The following UBE2E1 variants were observed in gnomAD, a reference collection of about 807,000 sequenced individuals.
UBE2E1 encodes the protein ubiquitin-conjugating enzyme E2 E1.
A neutral mutation model predicts 21.4 loss-of-function variants in UBE2E1; 6 were observed. The ratio of observed to expected loss-of-function variants is 0.28; its 90% CI spans 0.15 to 0.55. UBE2E1 has a LOEUF of 0.55. Among genes scored for constraint, UBE2E1 ranks in the 20% least tolerant of loss-of-function variants. UBE2E1 has a pLI of 0.93. For synonymous variants in UBE2E1, 87 were observed against 82.7 expected (o/e 1.05, Z -0.28); for missense variants, 142 against 236.5 (o/e 0.60, Z 2.62).
At chr3:23,858,561 C>T (rs1700487461) in intron 3 of UBE2E1, among the ~76,000 whole-genome samples, 1 of 152,166 alleles carries the variant, frequency 6.6e-6, no homozygotes, top group Non-Finnish European at 1.5e-5. Flanking sequence ...CTCAGATGAT[C>T]CACCCACCTT....
At chr3:23,844,961 A>G (rs981989177) in intron 3 of UBE2E1, among the ~76,000 whole-genome samples, 8 of 152,206 alleles carry the variant, frequency 5.3e-5, no homozygotes, top group Non-Finnish European at 8.8e-5. Flanking sequence ...AATTTATGGC[A>G]GCACCAAACA....
chr3:23,889,717 T>A (rs554708430), intron 5 of UBE2E1: 1 of 985,296 alleles, frequency 1.0e-6, no homozygotes, highest in Non-Finnish European at 1.2e-6. Flanking sequence ...TTAGTGACTA[T>A]TGAATTGTGA....
At chr3:23,846,936 G>T (rs2125304454) in intron 3 of UBE2E1, among the ~76,000 whole-genome samples, 1 of 151,832 alleles carries the variant, frequency 6.6e-6, no homozygotes, top group South Asian at 2.1e-4. Flanking sequence ...AATATTCTAA[G>T]GGCAGGGGCC....
intron 4 of UBE2E1, chr3:23,888,392 G>A (rs1038250885): frequency 5.7e-6 from 2 of 352,324 alleles, no homozygotes; most frequent in East Asian, 8.4e-5. Context: ...AGAAGTAATC[G>A]AAAGTCACTT....
Position 23,887,767 on chromosome 3 carries a change from A to C in UBE2E1, c.336+68A>C. The C allele has an allele frequency of 6.5e-7, 1 of 1,534,234 alleles. No individual in the cohort carries two copies. Among genetic ancestry groups the C allele is most frequent in the African/African-American group, 1.4e-5 (1 of 71,876 alleles). The stretch of plus-strand genomic sequence containing the variant: ...AGAGAGCAACTGTTGAGGTTTTTCT[A>C]AATTTAATTTTTAATCACAGAAACT... On this transcript the variant is annotated intron_variant, in intron 4 of 5. Transcript: ENST00000306627. The surrounding 1 kb of genome is among the most constrained non-coding windows in gnomAD (Gnocchi z 4.4).
At chr3:23,809,535 A>G (rs1699342462) in intron 2 of UBE2E1, among the ~76,000 whole-genome samples, 1 of 152,250 alleles carries the variant, frequency 6.6e-6, no homozygotes, top group African/African-American at 2.4e-5. Flanking sequence ...CTCTCTGGAA[A>G]TAGGTATGAG....
intron 3 of UBE2E1, among the ~76,000 whole-genome samples, chr3:23,861,128 G>T (rs967520528): frequency 3.0e-4 from 46 of 152,294 alleles, no homozygotes; most frequent in Non-Finnish European, 5.0e-4. Context: ...CATCTTATTT[G>T]TATATGTGTT....
intron 3 of UBE2E1, among the ~76,000 whole-genome samples, chr3:23,884,728 G>A (rs1020883195): frequency 6.6e-6 from 1 of 152,058 alleles, no homozygotes; most frequent in African/African-American, 2.4e-5. Context: ...TGAACAGTAC[G>A]ACTCCTGCCT....
At chr3:23,840,822 T>TA (rs1700070365) in intron 3 of UBE2E1, among the ~76,000 whole-genome samples, 1 of 152,226 alleles carries the variant, frequency 6.6e-6, no homozygotes, top group South Asian at 2.1e-4. Context: ...TCTGACCACT[T>TA]AGGTTATTCC....
intron 3 of UBE2E1, among the ~76,000 whole-genome samples, chr3:23,875,614 T>TA (rs891577714): frequency 6.6e-6 from 1 of 152,248 alleles, no homozygotes; most frequent in Non-Finnish European, 1.5e-5. Context: ...GTGTTGTTGT[T>TA]ACAAGACTTT....
intron 3 of UBE2E1, among the ~76,000 whole-genome samples, chr3:23,881,818 T>C (rs1202586715): frequency 6.6e-6 from 1 of 152,188 alleles, no homozygotes; most frequent in Non-Finnish European, 1.5e-5. Context: ...CCTTCTGATG[T>C]TCGGACGTGT....
rs539567827 is a variant in UBE2E1, at chr3:23,874,523, G to A, written c.204-13044G>A. Among the ~76,000 whole-genome samples the A allele has an allele frequency of 1.5e-4, 23 of 152,256 alleles. No homozygotes were observed. In the South Asian group the frequency reaches 4.8e-3, roughly 32 times the overall value. On this transcript the variant is annotated intron_variant, in intron 3 of 5. Coordinates refer to ENST00000306627, the MANE Select transcript of UBE2E1 (RefSeq NM_003341.5). ...TTTTGTGTATGGTAGCATAAGCATTGCAACTGAAGAATCTGGACTCCACCA... is the reference window on the plus strand; with the variant it reads ...TTTTGTGTATGGTAGCATAAGCATTACAACTGAAGAATCTGGACTCCACCA...
intron 3 of UBE2E1, among the ~76,000 whole-genome samples, chr3:23,838,647 C>G (rs1450024399): frequency 6.6e-6 from 1 of 152,054 alleles, no homozygotes; most frequent in Non-Finnish European, 1.5e-5. Context: ...CAGGCATGCA[C>G]CAGCACTCCT....
At chr3:23,861,168 A>G (rs540359514) in intron 3 of UBE2E1, among the ~76,000 whole-genome samples, 1 of 152,330 alleles carries the variant, frequency 6.6e-6, no homozygotes, top group Admixed American at 6.5e-5. Flanking sequence ...TGGTTTATTG[A>G]TAACTCTTTA....
At chr3:23,883,135 C>T (rs575945361) in intron 3 of UBE2E1, among the ~76,000 whole-genome samples, 2 of 152,306 alleles carry the variant, frequency 1.3e-5, no homozygotes, top group South Asian at 4.1e-4. Context: ...TTTCCCAATT[C>T]AGGATTTTCC....
chr3:23,809,792 G>A (rs898978703), intron 2 of UBE2E1, among the ~76,000 whole-genome samples: 1 of 151,986 alleles, frequency 6.6e-6, no homozygotes, highest in Non-Finnish European at 1.5e-5. Flanking sequence ...ACAGTTATTT[G>A]AAAAGATTCA....
At chr3:23,815,330 T>G (rs1699492583) in intron 3 of UBE2E1, among the ~76,000 whole-genome samples, 2 of 152,230 alleles carry the variant, frequency 1.3e-5, no homozygotes, top group South Asian at 4.1e-4. Context: ...TAGCCTTCTT[T>G]TGATAGCTTT....
Position 23,836,302 on chromosome 3 carries a change from TAA to T in UBE2E1, c.203+24798_203+24799del, listed in dbSNP as rs1242189583. Among the ~76,000 whole-genome samples, 1 of 152,178 alleles carries T rather than the reference TAA, an allele frequency of 6.6e-6. No homozygotes were observed. Among genetic ancestry groups the T allele is most frequent in the African/African-American group, 2.4e-5 (1 of 41,448 alleles). ...GAAATAACTGATTTAGAATGCTATA[TAA>T]AAAAAGAGTTTCTCTTTTCACTTAG... On this transcript the variant is annotated intron_variant, in intron 3 of 5. Coordinates refer to ENST00000306627, the MANE Select transcript of UBE2E1 (RefSeq NM_003341.5). This position sits in a 1 kb window ranked among gnomAD's most constrained non-coding sequence, Gnocchi z 4.1.
chr3:23,857,976 C>T (rs1446615999), intron 3 of UBE2E1, among the ~76,000 whole-genome samples: 4 of 152,002 alleles, frequency 2.6e-5, no homozygotes, highest in African/African-American at 4.8e-5. Context: ...TTCATGCCAC[C>T]GTGCCTGGCT....
Sources: allele counts gnomAD v4.1 joint callset (sites outside exome capture counted in the v4.1 genomes callset), GRCh38; gene constraint gnomAD v4.1.1; non-coding constraint Gnocchi (gnomAD v3.1); transcripts MANE v1.5; gene names NCBI Gene and HGNC (gene_info 2026-07-23, HGNC 2026-07-21).